The following CBX5 variants were observed in gnomAD, a reference collection of about 807,000 sequenced individuals.
The protein encoded by CBX5 is chromobox 5.
CBX5 carries 7 observed loss-of-function variants against 20.7 expected under a neutral mutation model. The ratio of observed to expected loss-of-function variants is 0.34; its 90% CI spans 0.19 to 0.63. The LOEUF (loss-of-function observed/expected upper bound fraction) is 0.63, where lower values mean the gene tolerates loss of function less well. Ranked by LOEUF, CBX5 falls within the 30% of genes least tolerant of loss-of-function variation. CBX5 has a pLI of 0.75. For missense variants in CBX5, 110 were observed against 224.1 expected, an observed-to-expected ratio of 0.49 and a Z score of 3.25; for synonymous variants, 78 against 77.0, an observed-to-expected ratio of 1.01 and a Z score of -0.07.
chr12:54,277,592 C>G (rs1944082476), intron 1 of CBX5, among the ~76,000 whole-genome samples: 1 of 152,176 alleles, frequency 6.6e-6, no homozygotes, highest in Admixed American at 6.5e-5. Context: ...CCCACCTTGG[C>G]CTCCCAAAGT....
chr12:54,248,651 T>G (rs948993521), intron 3 of CBX5, among the ~76,000 whole-genome samples: 8 of 152,116 alleles, frequency 5.3e-5, no homozygotes, highest in Non-Finnish European at 8.8e-5. Flanking sequence ...ATGGACTAAG[T>G]TGTAAATCAT....
chr12:54,253,988 T>C (rs1417493067), intron 2 of CBX5, among the ~76,000 whole-genome samples: 1 of 152,090 alleles, frequency 6.6e-6, no homozygotes, highest in Non-Finnish European at 1.5e-5. Context: ...TGACCTCAAG[T>C]GATCCGCCTG....
At chr12:54,270,359 T>C (rs188492691) in intron 1 of CBX5, among the ~76,000 whole-genome samples, 14 of 152,296 alleles carry the variant, frequency 9.2e-5, no homozygotes, top group African/African-American at 3.1e-4. Flanking sequence ...CACTGCAGCC[T>C]TGATCTCCCA....
At chr12:54,276,010 AC>A (rs1398204332) in intron 1 of CBX5, among the ~76,000 whole-genome samples, 7 of 137,150 alleles carry the variant, frequency 5.1e-5, no homozygotes, top group South Asian at 2.4e-4. Context: ...AAAAAAAAAA[AC>A]CTATCACATT....
Position 54,239,421 on chromosome 12 carries a change from C to T in CBX5, c.*2334G>A, listed in dbSNP as rs972108335. ...GCCCACTGCTACTGGGAGGCATACA[C>T]TGGGCCACTTGGATAGGCTGTCATT... On this transcript the variant is annotated 3_prime_UTR_variant, in exon 5 of 5. Transcript: ENST00000209875. 6.6e-6 allele frequency: 1 copy of T among 152,182 alleles called. No individual in the cohort carries two copies. The highest frequency in any genetic ancestry group is 1.5e-5 in the Non-Finnish European group (1 of 68,036). 9.4% of individuals were successfully genotyped at this position (152,182 alleles called of 1,614,324 possible).
intron 3 of CBX5, among the ~76,000 whole-genome samples, chr12:54,250,811 C>CAAAAAAAAAAAA (rs1164585269): frequency 2.5e-5 from 1 of 39,350 alleles, no homozygotes; most frequent in Non-Finnish European, 4.4e-5. Context: ...GACTCCGTCT[C>CAAAAAAAAAAAA]AAAAAAAAAA....
intron 4 of CBX5, among the ~76,000 whole-genome samples, chr12:54,244,033 G>A (rs1319059369): frequency 6.0e-5 from 9 of 150,464 alleles, no homozygotes; most frequent in East Asian, 2.0e-4. Flanking sequence ...ACAGAGTCTC[G>A]CTCTGTTGCC....
chr12:54,263,574 G>T (rs998877080), intron 1 of CBX5, among the ~76,000 whole-genome samples: 1 of 149,618 alleles, frequency 6.7e-6, no homozygotes, highest in Non-Finnish European at 1.5e-5. Context: ...CTCTACTAAA[G>T]ACACAAAAAA....
In CBX5 at chr12:54,246,201, G is replaced by A. The variant is rs267603540; in HGVS notation, c.339C>T (p.Ile113=). The part of the protein sequence containing the change: ...SKKKREQSND[I]ARGFERGLEP... ...CCAGTCCTCTCTCAAAGCCCCGAGCGATATCATTGCTCTGCTATAAATAGA... is the reference window on the plus strand; with the variant it reads ...CCAGTCCTCTCTCAAAGCCCCGAGCAATATCATTGCTCTGCTATAAATAGA... The change falls in exon 4 of 5, where the codon ATC becomes ATT. Residue 113 remains isoleucine, a synonymous_variant. Coordinates refer to ENST00000209875, the MANE Select transcript of CBX5 (RefSeq NM_012117.3). The A allele has an allele frequency of 6.8e-6, 11 of 1,610,122 alleles. No individual in the cohort carries two copies. In the East Asian group the frequency reaches 1.6e-4, roughly 23 times the overall value.
In CBX5 at chr12:54,257,696, C is replaced by A. The variant is rs1440489632; in HGVS notation, c.-42-4G>T. ...AAAGACTAAGGCCACCAGGTCCCTG[C>A]AAAGGCAAAGGACAAAATGGTTAGA... On this transcript the variant is annotated splice_polypyrimidine_tract_variant and splice_region_variant and intron_variant, in intron 1 of 4. Transcript: ENST00000209875. 1 of 1,610,034 alleles carries A rather than the reference C, an allele frequency of 6.2e-7. No homozygotes were observed. The highest frequency in any genetic ancestry group is 8.5e-7 in the Non-Finnish European group (1 of 1,177,480).
chr12:54,241,980 T>C, intron 4 of CBX5, 75 bp from the exon 5 acceptor site: 1 of 1,404,780 alleles, frequency 7.1e-7, no homozygotes, highest in Non-Finnish European at 9.7e-7. Flanking sequence ...TTTATGTCAT[T>C]ATATGGATTT....
chr12:54,259,256 C>G (rs998028802), intron 1 of CBX5: 2 of 152,284 alleles, frequency 1.3e-5, no homozygotes. Context: ...TACCCCACCC[C>G]CACCACCACT....
chr12:54,260,118 G>C (rs1943901788), intron 1 of CBX5, among the ~76,000 whole-genome samples: 2 of 127,276 alleles, frequency 1.6e-5, no homozygotes, highest in South Asian at 5.0e-4. Context: ...GGGATTACTA[G>C]AGACAAAATC....
intron 1 of CBX5, among the ~76,000 whole-genome samples, chr12:54,266,748 C>A (rs1943960744): frequency 2.0e-5 from 3 of 152,118 alleles, no homozygotes; most frequent in Admixed American, 1.3e-4. Context: ...AGCAATAACA[C>A]AAAAATTCTT....
intron 3 of CBX5, among the ~76,000 whole-genome samples, chr12:54,250,001 T>A (rs1943777173): frequency 6.6e-6 from 1 of 152,066 alleles, no homozygotes; most frequent in South Asian, 2.1e-4. Flanking sequence ...GGCAGGTGGA[T>A]CACCTGAGTT....
chr12:54,243,914 G>A (rs1471989694), intron 4 of CBX5, among the ~76,000 whole-genome samples: 1 of 151,972 alleles, frequency 6.6e-6, no homozygotes, highest in Non-Finnish European at 1.5e-5. Flanking sequence ...CCTTACTTCT[G>A]ACAGAATATG....
chr12:54,257,891 C>T (rs1445198867), intron 1 of CBX5, among the ~76,000 whole-genome samples, 199 bp from the exon 2 acceptor site: 3 of 152,206 alleles, frequency 2.0e-5, no homozygotes, highest in Non-Finnish European at 2.9e-5. Context: ...ACCTCCTCTT[C>T]GGCTAAAGAG....
At chr12:54,266,211 A>G (rs1943954856) in intron 1 of CBX5, among the ~76,000 whole-genome samples, 1 of 152,000 alleles carries the variant, frequency 6.6e-6, no homozygotes, top group Non-Finnish European at 1.5e-5. Context: ...CAGCCTGGCC[A>G]ACATGGCGAA....
At chr12:54,273,537 T>C (rs969352371) in intron 1 of CBX5, 11 of 152,204 alleles carry the variant, frequency 7.2e-5, no homozygotes, top group Non-Finnish European at 1.6e-4. Flanking sequence ...AATTAAAAGA[T>C]AGGATTGGAG....
Sources: gnomAD v4.1 joint callset for allele counts (sites outside exome capture counted in the v4.1 genomes callset) on GRCh38, gnomAD v4.1.1 for gene constraint, MANE v1.5 for transcripts, NCBI Gene and HGNC (gene_info 2026-07-23, HGNC 2026-07-21) for gene names.